Variants in SIPA1L1 observed in about 807,000 individuals in gnomAD.
SIPA1L1 encodes the protein signal induced proliferation associated 1 like 1, also known as signal-induced proliferation-associated 1-like protein 1.
A neutral mutation model predicts 162.7 loss-of-function variants in SIPA1L1; 26 were observed. The observed-to-expected ratio is 0.16, with a 90% CI of 0.12 to 0.22. The LOEUF is 0.22. SIPA1L1 is among the 10% of genes least tolerant of loss of function. SIPA1L1 has a pLI of 1.00. For missense variants in SIPA1L1, 1,874 were observed against 2,241.0 expected (o/e 0.84, Z 3.31); for synonymous variants, 829 against 837.4 (o/e 0.99, Z 0.17).
At chr14:71,620,356 ACC>A (rs2039302251) in intron 6 of SIPA1L1, among the ~76,000 whole-genome samples, 1 of 152,222 alleles carries the variant, frequency 6.6e-6, no homozygotes, top group South Asian at 2.1e-4. Context: ...GGCGTGAGCC[ACC>A]ACACCTGGCC....
rs1254222156 is a variant in SIPA1L1, at chr14:71,589,044, A to G, written c.1172A>G (p.Asp391Gly). The change falls in exon 5 of 24, where the codon GAC becomes GGC. Residue 391 changes from aspartate to glycine, a missense_variant. By Grantham distance (94) the Asp-to-Gly change is moderately conservative (BLOSUM62 -1). Around this residue, in one of 5 missense-constraint regions of SIPA1L1, gnomAD observed 685 missense variants for 828.0 expected, o/e 0.83. Coordinates refer to ENST00000381232, the MANE Select transcript of SIPA1L1 (RefSeq NM_001386936.1). ...SFSSPMGSTE[D>G]LNSKGSLSMD... is the part of the protein sequence containing the mutation. ...AGCTCCCCAATGGGCAGCACAGAGGACCTGAATTCCAAAGGAAGCCTCAGC... is the reference window on the plus strand; with the variant it reads ...AGCTCCCCAATGGGCAGCACAGAGGGCCTGAATTCCAAAGGAAGCCTCAGC... 6.2e-7 allele frequency: 1 copy of G among 1,614,108 alleles called. No individual in the cohort carries two copies. The highest frequency in any genetic ancestry group is 1.7e-5 in the Admixed American group (1 of 60,012).
intron 5 of SIPA1L1, among the ~76,000 whole-genome samples, chr14:71,617,699 T>C (rs1217734589): frequency 2.0e-5 from 3 of 152,244 alleles, no homozygotes; most frequent in Non-Finnish European, 4.4e-5. Flanking sequence ...GGAAATAACA[T>C]GTATTTTCAA....
chr14:71,558,549 C>G (rs1435330781), intron 4 of SIPA1L1, among the ~76,000 whole-genome samples: 1 of 152,148 alleles, frequency 6.6e-6, no homozygotes, highest in Admixed American at 6.5e-5. Flanking sequence ...GAACTGTAAT[C>G]AGAAATGGCG....
chr14:71,335,792 CTT>C (rs1187818739), intron 2 of SIPA1L1, among the ~76,000 whole-genome samples: 2 of 152,170 alleles, frequency 1.3e-5, no homozygotes, highest in African/African-American at 4.8e-5. Flanking sequence ...GTTACATAGT[CTT>C]TTGCTTTTCA....
intron 11 of SIPA1L1, among the ~76,000 whole-genome samples, chr14:71,672,075 GTA>G (rs2044590733): frequency 6.6e-6 from 1 of 152,186 alleles, no homozygotes; most frequent in Non-Finnish European, 1.5e-5. Flanking sequence ...ATGAGTAGCA[GTA>G]TATGGTTTCT....
chr14:71,593,479 G>A (rs200748402), intron 5 of SIPA1L1, among the ~76,000 whole-genome samples: 3 of 151,892 alleles, frequency 2.0e-5, no homozygotes, highest in South Asian at 2.1e-4. Context: ...CCCAAAGTGC[G>A]GTATTACAAG....
At chr14:71,525,632 C>T (rs866549646) in intron 3 of SIPA1L1, among the ~76,000 whole-genome samples, 2 of 152,206 alleles carry the variant, frequency 1.3e-5, no homozygotes, top group Non-Finnish European at 1.5e-5. Context: ...ATCATTGCCA[C>T]GTTTGCTACT....
rs938702830 is a variant in SIPA1L1, at chr14:71,489,337, G to T, written c.-464-23406G>T. ...GCTTGTAACTTGGGACCCAGTCTGT[G>T]TGCTATATGTCTGCTTCTTCAGTCC... is the stretch of plus-strand genomic sequence containing the variant. On this transcript the variant is annotated intron_variant, in intron 2 of 23. Transcript: ENST00000381232. Among the ~76,000 whole-genome samples, 3 of 152,270 alleles carry T rather than the reference G, an allele frequency of 2.0e-5. No individual in the cohort carries two copies. In the South Asian group the frequency reaches 6.2e-4, roughly 32 times the overall value.
intron 2 of SIPA1L1, among the ~76,000 whole-genome samples, chr14:71,329,467 G>T (rs577991697): frequency 6.7e-6 from 1 of 150,126 alleles, no homozygotes; most frequent in Non-Finnish European, 1.5e-5. Flanking sequence ...TCGAGACAGG[G>T]TCTCCCTCTG....
chr14:71,673,078 T>G (rs1160387122), intron 12 of SIPA1L1, among the ~76,000 whole-genome samples: 1 of 152,230 alleles, frequency 6.6e-6, no homozygotes, highest in Non-Finnish European at 1.5e-5. Context: ...GCTGTCTCAG[T>G]CTGGCAGCTG....
chr14:71,506,017 C>T (rs988819938), intron 2 of SIPA1L1, among the ~76,000 whole-genome samples: 6 of 146,880 alleles, frequency 4.1e-5, no homozygotes. Context: ...TGCTTCTGGT[C>T]CCAAGCATTT....
intron 2 of SIPA1L1, among the ~76,000 whole-genome samples, chr14:71,503,081 A>G (rs117317701): frequency 1.4e-3 from 209 of 152,318 alleles, no homozygotes; most frequent in Non-Finnish European, 2.5e-3. Context: ...TATTGAAAAA[A>G]TGTGCTTGAT....
intron 19 of SIPA1L1, among the ~76,000 whole-genome samples, chr14:71,725,289 A>C (rs1331191576): frequency 1.3e-5 from 2 of 152,174 alleles, no homozygotes; most frequent in African/African-American, 2.4e-5. Context: ...TACTGGCCAT[A>C]TATGGTATTC....
chr14:71,504,751 C>T (rs1052388423), intron 2 of SIPA1L1, among the ~76,000 whole-genome samples: 27 of 152,164 alleles, frequency 1.8e-4, no homozygotes, highest in Admixed American at 1.5e-3. Flanking sequence ...ATTTTAGATC[C>T]ATTCCAAACA....
intron 2 of SIPA1L1, among the ~76,000 whole-genome samples, chr14:71,346,064 C>A (rs146818871): frequency 1.3e-5 from 2 of 151,984 alleles, no homozygotes; most frequent in Non-Finnish European, 2.9e-5. Flanking sequence ...CTTGCCACCA[C>A]GCCCAGCTAA....
At chr14:71,445,679 T>C (rs1438938686) in intron 2 of SIPA1L1, among the ~76,000 whole-genome samples, 2 of 152,202 alleles carry the variant, frequency 1.3e-5, no homozygotes, top group African/African-American at 4.8e-5. Flanking sequence ...TTCCAACATT[T>C]GTTGATTGTA....
intron 2 of SIPA1L1, among the ~76,000 whole-genome samples, chr14:71,447,851 G>A (rs1239749007): frequency 6.6e-6 from 1 of 152,148 alleles, no homozygotes; most frequent in African/African-American, 2.4e-5. Context: ...TTACAGGTGT[G>A]AGCCACCATG....
chr14:71,339,063 G>T lies in SIPA1L1; in HGVS notation c.-465+17882G>T, dbSNP rs144564415. On this transcript the variant is annotated intron_variant, in intron 2 of 23. Transcript: ENST00000381232. Reference sequence around the variant, plus strand: ...CCAGATTACCAGATATTTATTGAGTGCCTGTATTATATGGCAATATAAAGT... The same window carrying T: ...CCAGATTACCAGATATTTATTGAGTTCCTGTATTATATGGCAATATAAAGT... Among the ~76,000 whole-genome samples, 411 of 152,218 alleles carry T rather than the reference G, an allele frequency of 2.7e-3. 2 individuals are homozygous for T. The highest frequency in any genetic ancestry group is 5.0e-3 in the South Asian group (24 of 4,820).
At chr14:71,620,528 T>A (rs549424431) in intron 6 of SIPA1L1, among the ~76,000 whole-genome samples, 1 of 152,340 alleles carries the variant, frequency 6.6e-6, no homozygotes, top group Admixed American at 6.5e-5. Flanking sequence ...TTCATTTCCT[T>A]ATCACTTGTT....
Sources: allele counts gnomAD v4.1 joint callset (sites outside exome capture counted in the v4.1 genomes callset), GRCh38; gene constraint gnomAD v4.1.1; regional missense constraint gnomAD v4.1.1; transcripts MANE v1.5; gene names NCBI Gene and HGNC (gene_info 2026-07-23, HGNC 2026-07-21).